Variants in GLIS3 observed in about 807,000 individuals in gnomAD.
The protein encoded by GLIS3 is zinc finger protein GLIS3.
GLIS3 carries 53 observed loss-of-function variants against 78.6 expected under a neutral mutation model. The observed-to-expected ratio is 0.67, with a 90% CI of 0.54 to 0.85. The LOEUF (loss-of-function observed/expected upper bound fraction) is 0.85. Among genes scored for constraint, GLIS3 ranks in the 40% least tolerant of loss-of-function variants. GLIS3 has a pLI of 0.00. For synonymous variants in GLIS3, 684 were observed against 509.9 expected (o/e 1.34, Z -4.60); for missense variants, 1,703 against 1,231.1 (o/e 1.38, Z -5.74).
At chr9:3,943,016 T>G (rs1169472120) in intron 4 of GLIS3, among the ~76,000 whole-genome samples, 13 of 149,836 alleles carry the variant, frequency 8.7e-5, no homozygotes, top group Admixed American at 8.6e-4. Context: ...AAAAAAAAAG[T>G]AGAAGAAAGG....
intron 4 of GLIS3, among the ~76,000 whole-genome samples, chr9:4,065,832 A>G (rs747978179): frequency 2.0e-5 from 3 of 152,184 alleles, no homozygotes; most frequent in South Asian, 4.1e-4. Flanking sequence ...CCCTGAGATG[A>G]TATCACACAG....
chr9:3,994,238 C>T (rs1442527499), intron 4 of GLIS3, among the ~76,000 whole-genome samples: 1 of 152,184 alleles, frequency 6.6e-6, no homozygotes, highest in Non-Finnish European at 1.5e-5. Context: ...CCGGTAGTTT[C>T]TCATTATGGT....
intron 5 of GLIS3, 94 bp downstream of exon 5, chr9:3,936,934 C>G: frequency 6.5e-7 from 1 of 1,545,990 alleles, no homozygotes; most frequent in Non-Finnish European, 8.9e-7. Context: ...AACCTGCAGA[C>G]CATAAAGCAA....
At chr9:4,117,739 A>G (rs776356884) in intron 4 of GLIS3, 29 bp downstream of exon 4, 1 of 1,614,040 alleles carries the variant, frequency 6.2e-7, no homozygotes. Context: ...CCTTCAAGAG[A>G]GGTCACCCCT....
the GLIS3 span, among the ~76,000 whole-genome samples, chr9:4,388,475 G>A: frequency 3.9e-5 from 6 of 152,000 alleles, no homozygotes; most frequent in East Asian, 7.8e-4. Flanking sequence ...TCAGGAGTTC[G>A]AGAGCATCCT....
the GLIS3 span, among the ~76,000 whole-genome samples, chr9:4,404,412 G>C: frequency 6.6e-6 from 1 of 152,186 alleles, no homozygotes; most frequent in Non-Finnish European, 1.5e-5. Context: ...AACAGCTGCA[G>C]AATATACATT....
intron 6 of GLIS3, among the ~76,000 whole-genome samples, chr9:3,927,766 A>G (rs1014528864): frequency 6.6e-6 from 1 of 152,240 alleles, no homozygotes; most frequent in African/African-American, 2.4e-5. Context: ...ATGTAGCATC[A>G]AAATGCTCTG....
At chr9:4,248,456 A>G (rs1469202279) in intron 2 of GLIS3, among the ~76,000 whole-genome samples, 3 of 152,120 alleles carry the variant, frequency 2.0e-5, no homozygotes, top group African/African-American at 7.2e-5. Flanking sequence ...TCCATGGTGT[A>G]TATGTGCCAC....
At chr9:4,165,416 A>G (rs541531632) in intron 2 of GLIS3, among the ~76,000 whole-genome samples, 76 of 152,308 alleles carry the variant, frequency 5.0e-4, no homozygotes, top group East Asian at 7.7e-4. Context: ...ACTCCAGCCT[A>G]GGCAACAGGA....
At chr9:4,269,122 G>C (rs1826274339) in intron 2 of GLIS3, among the ~76,000 whole-genome samples, 1 of 152,116 alleles carries the variant, frequency 6.6e-6, no homozygotes, top group South Asian at 2.1e-4. Context: ...AAAATTGACA[G>C]ACAAGACAAC....
chr9:4,065,567 T>C (rs1028917920), intron 4 of GLIS3, among the ~76,000 whole-genome samples: 1 of 152,214 alleles, frequency 6.6e-6, no homozygotes, highest in African/African-American at 2.4e-5. Context: ...GTTCTACCAA[T>C]TAGCAAACAG....
At chr9:4,039,002 C>A (rs1036250266) in intron 4 of GLIS3, among the ~76,000 whole-genome samples, 5 of 152,188 alleles carry the variant, frequency 3.3e-5, no homozygotes, top group African/African-American at 1.2e-4. Flanking sequence ...AGCTGAGCAG[C>A]TTGCCACAAC....
chr9:4,461,877 G>C, the GLIS3 span, among the ~76,000 whole-genome samples: 6 of 152,168 alleles, frequency 3.9e-5, no homozygotes, highest in South Asian at 2.1e-4. Context: ...TGCGATTTCA[G>C]AGATCCTTTG....
Position 3,932,438 on chromosome 9 carries a change from G to A in GLIS3, c.1905C>T (p.Thr635=). The A allele has an allele frequency of 3.1e-6, 5 of 1,613,634 alleles. No homozygotes were observed. The highest frequency in any genetic ancestry group is 4.2e-6 in the Non-Finnish European group (5 of 1,179,662). The change falls in exon 6 of 11, where the codon ACC becomes ACT. Residue 635 remains threonine, a synonymous_variant. Transcript: ENST00000381971. ...KPYACQIPGC[T]KRYTDPSSLR... ...GGGAACTTGGGTCTGTGTAGCGTTT[G>A]GTACATCCTGGAATTTGACAAGCAT...
intron 2 of GLIS3, among the ~76,000 whole-genome samples, chr9:4,321,566 T>G (rs556937758): frequency 4.8e-5 from 7 of 144,842 alleles, no homozygotes; most frequent in African/African-American, 1.8e-4. Context: ...AATAAGAAAA[T>G]GAACATTTCA....
chr9:4,028,191 G>A (rs893902323), intron 4 of GLIS3, among the ~76,000 whole-genome samples: 3 of 152,108 alleles, frequency 2.0e-5, no homozygotes, highest in Non-Finnish European at 4.4e-5. Flanking sequence ...GCACATATAG[G>A]AGCCTACGTA....
chr9:4,478,433 A>C, the GLIS3 span, among the ~76,000 whole-genome samples: 1 of 152,122 alleles, frequency 6.6e-6, no homozygotes, highest in Non-Finnish European at 1.5e-5. Context: ...CAACATGGTG[A>C]AACCCCCTCT....
the GLIS3 span, among the ~76,000 whole-genome samples, chr9:4,401,571 C>CT: frequency 0.12 from 13,984 of 120,594 alleles, 888 homozygotes; most frequent in East Asian, 0.27. Flanking sequence ...TCCTTTCTTT[C>CT]TTTTTTTTTT....
chr9:4,180,151 T>C (rs1402385199), intron 2 of GLIS3, among the ~76,000 whole-genome samples: 1 of 151,832 alleles, frequency 6.6e-6, no homozygotes, highest in African/African-American at 2.4e-5. Flanking sequence ...GGTCCTAGGA[T>C]AGAGAACAGA....
Sources: gnomAD v4.1 joint callset for allele counts (sites outside exome capture counted in the v4.1 genomes callset) on GRCh38, gnomAD v4.1.1 for gene constraint, MANE v1.5 for transcripts, NCBI Gene and HGNC (gene_info 2026-07-23, HGNC 2026-07-21) for gene names.